Variants in GRIA1 observed in about 807,000 individuals in gnomAD.
GRIA1 encodes the protein glutamate ionotropic receptor AMPA type subunit 1, also known as glutamate receptor 1.
A neutral mutation model predicts 99.2 loss-of-function variants in GRIA1; 31 were observed. That is an observed-to-expected ratio of 0.31 (90% CI 0.23 to 0.42). GRIA1 has a LOEUF of 0.42. GRIA1 is among the 10% of genes least tolerant of loss of function. The pLI is 1.00. For missense variants in GRIA1, 782 were observed against 1,157.5 expected, an observed-to-expected ratio of 0.68 and a Z score of 4.71; for synonymous variants, 438 against 432.4, an observed-to-expected ratio of 1.01 and a Z score of -0.16.
chr5:153,639,024 G>T (rs1753594661), intron 2 of GRIA1, among the ~76,000 whole-genome samples: 1 of 152,174 alleles, frequency 6.6e-6, no homozygotes, highest in Admixed American at 6.5e-5. Flanking sequence ...CTGAAAAACA[G>T]CCACGTCTGT....
chr5:153,724,496 T>C (rs1313916756), intron 11 of GRIA1, among the ~76,000 whole-genome samples: 3 of 151,868 alleles, frequency 2.0e-5, no homozygotes, highest in Non-Finnish European at 4.4e-5. Context: ...TTGAAAACTT[T>C]GAAAAAAATT....
At chr5:153,802,610 GA>G in intron 15 of GRIA1, 120 bp downstream of exon 15, 1 of 968,486 alleles carries the variant, frequency 1.0e-6, no homozygotes, top group Admixed American at 1.9e-5. Flanking sequence ...CACAAGACAG[GA>G]AGCAGGAAGC....
intron 11 of GRIA1, among the ~76,000 whole-genome samples, chr5:153,759,125 T>C (rs549989758): frequency 6.8e-6 from 1 of 146,564 alleles, no homozygotes; most frequent in South Asian, 2.1e-4. Flanking sequence ...GTCAAAAAAG[T>C]AGAAAGATAT....
chr5:153,701,670 C>G (rs1758541459), intron 10 of GRIA1, among the ~76,000 whole-genome samples: 1 of 138,360 alleles, frequency 7.2e-6, no homozygotes, highest in Non-Finnish European at 1.5e-5. Context: ...TCTGTGATGG[C>G]CCCAGTCGGA....
intron 2 of GRIA1, among the ~76,000 whole-genome samples, chr5:153,576,154 A>G (rs1159865263): frequency 1.3e-5 from 2 of 152,222 alleles, no homozygotes; most frequent in Non-Finnish European, 2.9e-5. Flanking sequence ...GATGATAATG[A>G]CAGTATCTGT....
intron 11 of GRIA1, among the ~76,000 whole-genome samples, chr5:153,718,408 G>A (rs184986047): frequency 5.9e-4 from 90 of 152,184 alleles, no homozygotes; most frequent in African/African-American, 2.1e-3. Context: ...CAAAGGGGTC[G>A]GCGGGGCGAG....
At chr5:153,724,612 G>A (rs1760360069) in intron 11 of GRIA1, among the ~76,000 whole-genome samples, 1 of 151,906 alleles carries the variant, frequency 6.6e-6, no homozygotes, top group African/African-American at 2.4e-5. Flanking sequence ...AGAAGCCTCA[G>A]GAGCCGATGC....
intron 13 of GRIA1, among the ~76,000 whole-genome samples, chr5:153,787,431 A>G (rs1208395480): frequency 6.6e-6 from 1 of 152,164 alleles, no homozygotes; most frequent in African/African-American, 2.4e-5. Context: ...TCATCCCCTG[A>G]TGACCCACAA....
intron 2 of GRIA1, among the ~76,000 whole-genome samples, chr5:153,500,970 C>G (rs1023994945): frequency 3.3e-5 from 5 of 152,084 alleles, no homozygotes; most frequent in African/African-American, 1.2e-4. Flanking sequence ...CTCTGAGAGT[C>G]CTTCTGGGGC....
intron 5 of GRIA1, among the ~76,000 whole-genome samples, chr5:153,660,078 C>T (rs1048946692): frequency 1.3e-5 from 2 of 152,122 alleles, no homozygotes; most frequent in African/African-American, 4.8e-5. Flanking sequence ...GAGGCTGAGA[C>T]ATTACATGAC....
chr5:153,575,664 C>T (rs1311135995), intron 2 of GRIA1, among the ~76,000 whole-genome samples: 2 of 152,224 alleles, frequency 1.3e-5, no homozygotes, highest in South Asian at 2.1e-4. Flanking sequence ...TAGACTAGAA[C>T]TCCACTGATT....
At chr5:153,692,758 C>T (rs1757851576) in intron 8 of GRIA1, among the ~76,000 whole-genome samples, 2 of 152,016 alleles carry the variant, frequency 1.3e-5, no homozygotes, top group Non-Finnish European at 1.5e-5. Flanking sequence ...ATTCACAGTG[C>T]CTAGAATATA....
intron 2 of GRIA1, among the ~76,000 whole-genome samples, chr5:153,641,759 C>A (rs967014629): frequency 6.6e-6 from 1 of 152,234 alleles, no homozygotes; most frequent in Non-Finnish European, 1.5e-5. Context: ...TCAAAGCTGG[C>A]ACTTCCTCTT....
chr5:153,549,248 A>G, intron 2 of GRIA1, among the ~76,000 whole-genome samples: 1 of 152,178 alleles, frequency 6.6e-6, no homozygotes, highest in East Asian at 1.9e-4. Flanking sequence ...CATGGCCAAC[A>G]CTTTGAAATA....
intron 15 of GRIA1, among the ~76,000 whole-genome samples, chr5:153,810,369 G>A (rs1429488961): frequency 6.6e-6 from 1 of 152,144 alleles, no homozygotes; most frequent in Non-Finnish European, 1.5e-5. Context: ...TTATTCAAAC[G>A]AGTCCTACAT....
At chr5:153,636,903 C>G (rs1444279459) in intron 2 of GRIA1, among the ~76,000 whole-genome samples, 1 of 152,182 alleles carries the variant, frequency 6.6e-6, no homozygotes. Flanking sequence ...GATGGAGTAG[C>G]ATGGTTTATG....
At chr5:153,758,887 A>T (rs541913910) in intron 11 of GRIA1, among the ~76,000 whole-genome samples, 36 of 152,132 alleles carry the variant, frequency 2.4e-4, no homozygotes, top group Middle Eastern at 3.4e-3. Context: ...AATTATGTTA[A>T]GTATCTTTTA....
chr5:153,553,683 A>G (rs1760360201), intron 2 of GRIA1, among the ~76,000 whole-genome samples: 1 of 152,204 alleles, frequency 6.6e-6, no homozygotes, highest in South Asian at 2.1e-4. Flanking sequence ...ACCATATGCC[A>G]GTTAAACTCC....
chr5:153,764,668 A>G (rs1295242307), intron 12 of GRIA1, 36 bp downstream of exon 12: 1 of 1,425,360 alleles, frequency 7.0e-7, no homozygotes. Flanking sequence ...ACTTTCACAA[A>G]AGGGAACCAC....
Sources: gnomAD v4.1 joint callset for allele counts (sites outside exome capture counted in the v4.1 genomes callset) on GRCh38, gnomAD v4.1.1 for gene constraint, MANE v1.5 for transcripts, NCBI Gene and HGNC (gene_info 2026-07-23, HGNC 2026-07-21) for gene names.